MYO6: variants seen among roughly 807,000 people sequenced by gnomAD.
MYO6 encodes myosin VI.
Under a neutral mutation model 178.7 loss-of-function variants are expected in MYO6, and 74 were observed. The ratio of observed to expected loss-of-function variants is 0.41; its 90% CI spans 0.34 to 0.50. MYO6 has a LOEUF of 0.50. MYO6 is among the 20% of genes least tolerant of loss of function. The probability of loss-of-function intolerance (pLI) is 0.09; values close to 1 mark genes in which losing one functional copy is unlikely to be tolerated. For missense variants in MYO6, 1,330 were observed against 1,547.4 expected (o/e 0.86, Z 2.36); for synonymous variants, 477 against 504.6 (o/e 0.95, Z 0.73).
intron 1 of MYO6, among the ~76,000 whole-genome samples, chr6:75,760,082 G>A (rs964572471): frequency 1.3e-5 from 2 of 152,148 alleles, no homozygotes; most frequent in African/African-American, 2.4e-5. Context: ...GACAGCAAGA[G>A]CACTAGAACA....
rs1775787508 is a variant in MYO6 at position 75,857,124 on chromosome 6, C to T, written c.1251C>T (p.Asn417=). 1 of 1,613,978 alleles carries T rather than the reference C, an allele frequency of 6.2e-7. No individual in the cohort carries two copies. The highest frequency in any genetic ancestry group is 8.5e-7 in the Non-Finnish European group (1 of 1,179,916). The change falls in exon 13 of 35, where the codon AAC becomes AAT. Residue 417 remains asparagine, a synonymous_variant. Coordinates refer to ENST00000369977, the MANE Select transcript of MYO6 (RefSeq NM_004999.4). ...TACCTCTGAAAGTGGAGCAAGCAAA[C>T]AATGCTCGTGATGCCCTGGCAAAGA... is the stretch of plus-strand genomic sequence containing the variant. ...IKVPLKVEQA[N]NARDALAKTV...
At chr6:75,776,867 T>G (rs2748959) in intron 1 of MYO6, among the ~76,000 whole-genome samples, 48,653 of 152,056 alleles carry the variant, frequency 0.32, 9,083 homozygotes, top group Admixed American at 0.47. Flanking sequence ...GATCTTGTAC[T>G]CCATAAAATG....
intron 1 of MYO6, among the ~76,000 whole-genome samples, chr6:75,805,002 C>CATATATATATATATATATAT (rs749031242): frequency 7.8e-5 from 5 of 63,970 alleles, no homozygotes; most frequent in South Asian, 5.2e-4. Flanking sequence ...TACACACACA[C>CATATATATATATATATATAT]ATATATATAT....
chr6:75,872,786 T>G (rs1264856032), intron 19 of MYO6, among the ~76,000 whole-genome samples: 3 of 83,978 alleles, frequency 3.6e-5, no homozygotes, highest in Admixed American at 1.2e-4. Context: ...AAATTTTGAG[T>G]TTTTTTTTTT....
At chr6:75,798,280 A>G (rs1161900088) in intron 1 of MYO6, among the ~76,000 whole-genome samples, 1 of 152,298 alleles carries the variant, frequency 6.6e-6, no homozygotes, top group East Asian at 1.9e-4. Flanking sequence ...TTTGTCAAAA[A>G]TCAGATGGTT....
intron 16 of MYO6, among the ~76,000 whole-genome samples, chr6:75,866,184 T>C (rs950955845): frequency 6.6e-6 from 1 of 152,154 alleles, no homozygotes; most frequent in African/African-American, 2.4e-5. Flanking sequence ...GTTTTGCATG[T>C]GCTTTTAAAA....
chr6:75,755,701 T>C (rs1036399363), intron 1 of MYO6, among the ~76,000 whole-genome samples: 1 of 152,210 alleles, frequency 6.6e-6, no homozygotes, highest in Non-Finnish European at 1.5e-5. Flanking sequence ...AAGAACTGTG[T>C]GTGCGTCTGT....
intron 1 of MYO6, among the ~76,000 whole-genome samples, chr6:75,811,703 C>A (rs1770712938): frequency 6.6e-6 from 1 of 152,004 alleles, no homozygotes; most frequent in Non-Finnish European, 1.5e-5. Flanking sequence ...TCCCTCCTGT[C>A]TATTCTGTAA....
intron 1 of MYO6, among the ~76,000 whole-genome samples, chr6:75,800,849 T>C (rs1406759348): frequency 6.6e-6 from 1 of 152,180 alleles, no homozygotes; most frequent in Non-Finnish European, 1.5e-5. Flanking sequence ...GCCACCTGAA[T>C]AGCCGGAATT....
chr6:75,833,761 G>A (rs572626549), intron 6 of MYO6, among the ~76,000 whole-genome samples: 2 of 152,256 alleles, frequency 1.3e-5, no homozygotes, highest in East Asian at 3.9e-4. Context: ...TGGACATTTA[G>A]GTTACTTCCA....
chr6:75,914,553 G>A (rs1332264900), intron 34 of MYO6, among the ~76,000 whole-genome samples: 3 of 152,070 alleles, frequency 2.0e-5, no homozygotes, highest in Non-Finnish European at 2.9e-5. Context: ...GATTTGTAGT[G>A]GCTTGAGGAA....
chr6:75,814,242 C>T (rs538869145), intron 1 of MYO6, among the ~76,000 whole-genome samples: 1 of 152,166 alleles, frequency 6.6e-6, no homozygotes, highest in Non-Finnish European at 1.5e-5. Context: ...CCTGTAGATT[C>T]TCTCACCATA....
chr6:75,898,810 G>A (rs1284502472), intron 30 of MYO6, among the ~76,000 whole-genome samples: 2 of 152,296 alleles, frequency 1.3e-5, no homozygotes, highest in East Asian at 3.9e-4. Flanking sequence ...TGAAGAGGAG[G>A]TAGAGGAAGA....
At chr6:75,827,488 T>C (rs986571551) in intron 3 of MYO6, among the ~76,000 whole-genome samples, 1 of 152,172 alleles carries the variant, frequency 6.6e-6, no homozygotes, top group African/African-American at 2.4e-5. Context: ...TGGATGTTGA[T>C]AGAGACCCAG....
intron 1 of MYO6, among the ~76,000 whole-genome samples, chr6:75,757,556 A>G (rs1416509463): frequency 6.6e-6 from 1 of 151,492 alleles, no homozygotes; most frequent in Non-Finnish European, 1.5e-5. Context: ...ATGGGAGGGT[A>G]TTACTTGCCT....
At chr6:75,876,336 A>G (rs892538821) in intron 20 of MYO6, among the ~76,000 whole-genome samples, 2 of 152,162 alleles carry the variant, frequency 1.3e-5, no homozygotes, top group African/African-American at 2.4e-5. Flanking sequence ...GTTTTGGCTT[A>G]CACATACATT....
chr6:75,783,154 C>T lies in MYO6; in HGVS notation c.-48+33731C>T, dbSNP rs572357183. Reference sequence around the variant, plus strand: ...CTGGTCTTGAACTCCTGGGCTCAAGCGATCCTCTTCCCTTGCCCTCCCAAA... The same window carrying T: ...CTGGTCTTGAACTCCTGGGCTCAAGTGATCCTCTTCCCTTGCCCTCCCAAA... On this transcript the variant is annotated intron_variant, in intron 1 of 34. Transcript: ENST00000369977. 9.2e-5 allele frequency among the ~76,000 whole-genome samples: 14 copies of T among 152,064 alleles called. No individual in the cohort carries two copies. The East Asian group carries it at 2.5e-3, about 27-fold the overall frequency.
intron 11 of MYO6, among the ~76,000 whole-genome samples, chr6:75,851,968 A>G (rs934009332): frequency 5.3e-5 from 8 of 152,206 alleles, no homozygotes; most frequent in East Asian, 1.9e-4. Context: ...GGGACTGCCT[A>G]TGTTTTTAAA....
At position 75,867,067 on chromosome 6, in the gene MYO6, G is replaced by C. The variant is rs1377514261; in HGVS notation, c.1906G>C (p.Gly636Arg). The C allele has an allele frequency of 6.2e-7, 1 of 1,613,640 alleles. No homozygotes were observed. The highest frequency in any genetic ancestry group is 1.1e-5 in the South Asian group (1 of 91,018). ...NNNKDTKQKA[G>R]KLSFISVGNK... is the part of the protein sequence containing the mutation. ...CAACAAAGATACTAAACAAAAAGCA[G>C]GAAAACTTAGCTTCATCAGCGTGGG... is the stretch of plus-strand genomic sequence containing the variant. The change falls in exon 18 of 35, where the codon GGA (glycine) becomes CGA (arginine). Residue 636 changes from glycine to arginine, a missense_variant. Coordinates refer to ENST00000369977, the MANE Select transcript of MYO6 (RefSeq NM_004999.4).
Sources: gnomAD v4.1 joint callset for allele counts (sites outside exome capture counted in the v4.1 genomes callset) on GRCh38, gnomAD v4.1.1 for gene constraint, MANE v1.5 for transcripts, NCBI Gene and HGNC (gene_info 2026-07-23, HGNC 2026-07-21) for gene names.